Variants in ATP8A2 observed in about 807,000 individuals in gnomAD.
ATP8A2 encodes ATPase phospholipid transporting 8A2, also known as phospholipid-transporting ATPase IB.
A neutral mutation model predicts 165.6 loss-of-function variants in ATP8A2; 100 were observed. That is an observed-to-expected ratio of 0.60 (90% CI 0.51 to 0.71). The LOEUF is 0.71. ATP8A2 is among the 30% of genes least tolerant of loss of function. The pLI is 0.00. For missense variants in ATP8A2, 1,227 were observed against 1,479.5 expected (o/e 0.83, Z 2.80); for synonymous variants, 543 against 548.8 (o/e 0.99, Z 0.15).
intron 25 of ATP8A2, among the ~76,000 whole-genome samples, chr13:25,741,555 A>AT (rs879363410): frequency 0.011 from 1,591 of 145,170 alleles, 14 homozygotes; most frequent in East Asian, 0.026. Flanking sequence ...CTAATTTTTA[A>AT]TTTTTTTTTT....
intron 24 of ATP8A2, among the ~76,000 whole-genome samples, chr13:25,617,508 A>ATT (rs2040857389): frequency 1.3e-5 from 2 of 152,214 alleles, no homozygotes; most frequent in Non-Finnish European, 2.9e-5. Context: ...GTAGAAAATG[A>ATT]TTTGAAGAGT....
At chr13:25,789,218 C>T (rs548109317) in intron 27 of ATP8A2, among the ~76,000 whole-genome samples, 3 of 152,236 alleles carry the variant, frequency 2.0e-5, no homozygotes, top group African/African-American at 7.2e-5. Context: ...ATAGCATATG[C>T]AGTCACTACA....
chr13:25,719,082 TG>T (rs890422180), intron 25 of ATP8A2, among the ~76,000 whole-genome samples: 35 of 152,356 alleles, frequency 2.3e-4, no homozygotes, highest in Admixed American at 4.6e-4. Flanking sequence ...CTTTTCTTCC[TG>T]GACTTTCCCA....
At chr13:25,375,884 T>C (rs1249018622) in intron 1 of ATP8A2, among the ~76,000 whole-genome samples, 1 of 152,076 alleles carries the variant, frequency 6.6e-6, no homozygotes, top group African/African-American at 2.4e-5. Context: ...CTACAAACCT[T>C]CTAGAAACTG....
intron 2 of ATP8A2, among the ~76,000 whole-genome samples, chr13:25,470,637 G>A (rs781426853): frequency 2.0e-5 from 3 of 152,062 alleles, no homozygotes; most frequent in Non-Finnish European, 1.5e-5. Flanking sequence ...GAAAACCTAC[G>A]TCCACACAAA....
At chr13:25,379,278 T>C (rs1367909617) in intron 1 of ATP8A2, among the ~76,000 whole-genome samples, 1 of 152,224 alleles carries the variant, frequency 6.6e-6, no homozygotes, top group Non-Finnish European at 1.5e-5. Flanking sequence ...ATCCCAGGAT[T>C]ACTGTAAATA....
chr13:25,676,815 T>C (rs970460914), intron 24 of ATP8A2, among the ~76,000 whole-genome samples: 2 of 152,174 alleles, frequency 1.3e-5, no homozygotes, highest in African/African-American at 2.4e-5. Context: ...CTGTAGTCGA[T>C]TAAAATCTCT....
At chr13:25,702,222 G>T (rs538269977) in intron 25 of ATP8A2, among the ~76,000 whole-genome samples, 3 of 152,072 alleles carry the variant, frequency 2.0e-5, no homozygotes, top group African/African-American at 7.2e-5. Flanking sequence ...GAAAATAACT[G>T]GTCTATGAAA....
intron 1 of ATP8A2, among the ~76,000 whole-genome samples, chr13:25,454,102 A>T (rs1308054315): frequency 6.6e-6 from 1 of 152,134 alleles, no homozygotes; most frequent in African/African-American, 2.4e-5. Context: ...TCTGGAGTGA[A>T]CTGCATGGTC....
chr13:25,804,959 G>T lies in ATP8A2; in HGVS notation c.2680-23159G>T, dbSNP rs545810034. ...GCATTGTTTAATAGTTTTAAATTAT[G>T]GAGGTCTTAGGTCCAAAATGTAACA... On this transcript the variant is annotated intron_variant, in intron 27 of 36. Transcript: ENST00000381655. Among the ~76,000 whole-genome samples, 134 of 152,268 alleles carry T rather than the reference G, an allele frequency of 8.8e-4. 1 individual carries two copies. Among genetic ancestry groups the T allele is most frequent in the African/African-American group, 2.9e-3 (119 of 41,574 alleles).
At chr13:25,676,361 C>T (rs1175024175) in intron 24 of ATP8A2, among the ~76,000 whole-genome samples, 1 of 152,078 alleles carries the variant, frequency 6.6e-6, no homozygotes, top group African/African-American at 2.4e-5. Flanking sequence ...GTAGCTCTTC[C>T]CCCGGCTTGA....
intron 24 of ATP8A2, among the ~76,000 whole-genome samples, chr13:25,634,991 A>T (rs2041334571): frequency 6.6e-6 from 1 of 152,102 alleles, no homozygotes; most frequent in Non-Finnish European, 1.5e-5. Flanking sequence ...AATTGCTCTT[A>T]GGGATGTTCC....
intron 24 of ATP8A2, among the ~76,000 whole-genome samples, chr13:25,677,975 AG>A (rs1219618536): frequency 2.0e-5 from 3 of 152,208 alleles, no homozygotes; most frequent in Non-Finnish European, 4.4e-5. Context: ...TTATGAGGCA[AG>A]TAATACCTTT....
At chr13:25,679,868 G>A (rs1001720100) in intron 24 of ATP8A2, among the ~76,000 whole-genome samples, 21 of 151,420 alleles carry the variant, frequency 1.4e-4, no homozygotes, top group Non-Finnish European at 8.8e-5. Flanking sequence ...TGTTGATTGC[G>A]GATTAGGAAA....
intron 27 of ATP8A2, among the ~76,000 whole-genome samples, chr13:25,792,738 T>C (rs1327651855): frequency 6.6e-6 from 1 of 151,396 alleles, no homozygotes; most frequent in East Asian, 1.9e-4. Flanking sequence ...AAGTGAGACC[T>C]CATCTCTACA....
chr13:25,440,540 G>A (rs773690267), intron 1 of ATP8A2, among the ~76,000 whole-genome samples: 12 of 152,092 alleles, frequency 7.9e-5, no homozygotes, highest in Non-Finnish European at 1.2e-4. Context: ...ACTTAGAAAC[G>A]TCACTGCTGC....
intron 35 of ATP8A2, among the ~76,000 whole-genome samples, chr13:25,995,676 T>C (rs1001609029): frequency 6.6e-6 from 1 of 152,054 alleles, no homozygotes; most frequent in Non-Finnish European, 1.5e-5. Context: ...CTTTTAAGTG[T>C]GTTGAAGTTT....
chr13:25,818,651 G>A (rs187194056), intron 27 of ATP8A2, among the ~76,000 whole-genome samples: 2 of 152,154 alleles, frequency 1.3e-5, no homozygotes, highest in African/African-American at 2.4e-5. Flanking sequence ...ACTTTAGCCT[G>A]TATCATCATC....
intron 24 of ATP8A2, among the ~76,000 whole-genome samples, chr13:25,683,826 T>C (rs146301676): frequency 3.3e-5 from 5 of 152,294 alleles, no homozygotes; most frequent in African/African-American, 7.2e-5. Flanking sequence ...GGACAGGCAC[T>C]TTCCAGTTGG....
Sources: allele counts gnomAD v4.1 joint callset (sites outside exome capture counted in the v4.1 genomes callset), GRCh38; gene constraint gnomAD v4.1.1; transcripts MANE v1.5; gene names NCBI Gene and HGNC (gene_info 2026-07-23, HGNC 2026-07-21).